The following CSMD1 variants were observed in gnomAD, a reference collection of about 807,000 sequenced individuals.
CSMD1 encodes CUB and sushi domain-containing protein 1.
Under a neutral mutation model 417.5 loss-of-function variants are expected in CSMD1, and 213 were observed. The ratio of observed to expected loss-of-function variants is 0.51; its 90% CI spans 0.46 to 0.57. The LOEUF is 0.57. CSMD1 is among the 20% of genes least tolerant of loss of function. The pLI is 0.00. For missense variants in CSMD1, 6,923 were observed against 4,529.7 expected (o/e 1.53, Z -15.17); for synonymous variants, 2,862 against 1,736.8 (o/e 1.65, Z -16.11).
intron 3 of CSMD1, among the ~76,000 whole-genome samples, chr8:4,166,463 G>C (rs1356805591): frequency 3.3e-5 from 5 of 152,138 alleles, no homozygotes; most frequent in African/African-American, 9.7e-5. Context: ...CAGCAACCTG[G>C]ATGAAGTTGG....
In CSMD1 at chr8:3,926,094, C is replaced by T. The variant is rs865991767; in HGVS notation, c.818+71809G>A. ...CACACAAACACCATACACACACACA[C>T]ACACACACACACACACACACACACA... On this transcript the variant is annotated intron_variant, in intron 5 of 69. Coordinates refer to ENST00000635120, the MANE Select transcript of CSMD1 (RefSeq NM_033225.6). Among the ~76,000 whole-genome samples, 5 of 59,942 alleles carry T rather than the reference C, an allele frequency of 8.3e-5. 1 individual carries two copies. The highest frequency in any genetic ancestry group is 5.1e-4 in the African/African-American group (5 of 9,876). The allele number at this position is 59,942 out of a possible 152,430, so 39.3% of individuals were successfully genotyped here.
intron 41 of CSMD1, among the ~76,000 whole-genome samples, chr8:3,138,726 T>C (rs1358430161): frequency 1.3e-5 from 2 of 152,152 alleles, no homozygotes; most frequent in Non-Finnish European, 2.9e-5. Flanking sequence ...CTGTGGCTGC[T>C]GGAGATATTT....
At chr8:3,720,620 T>TACACACACACACACACACAC (rs1554520854) in intron 6 of CSMD1, among the ~76,000 whole-genome samples, 21 of 143,420 alleles carry the variant, frequency 1.5e-4, no homozygotes, top group African/African-American at 5.5e-4. Context: ...TCTTTATTCT[T>TACACACACACACACACACAC]ACACACACAC....
intron 5 of CSMD1, among the ~76,000 whole-genome samples, chr8:3,798,829 T>G (rs1800304364): frequency 6.6e-6 from 1 of 152,088 alleles, no homozygotes. Context: ...TGAAATTTAG[T>G]AAAATGTTGT....
intron 46 of CSMD1, among the ~76,000 whole-genome samples, chr8:3,101,447 G>C (rs1165696395): frequency 2.6e-5 from 4 of 152,116 alleles, no homozygotes; most frequent in African/African-American, 7.2e-5. Context: ...TTTTGAGACG[G>C]AGTCTCGCTC....
At chr8:4,683,594 A>T (rs1488095910) in intron 1 of CSMD1, among the ~76,000 whole-genome samples, 1 of 152,174 alleles carries the variant, frequency 6.6e-6, no homozygotes, top group Non-Finnish European at 1.5e-5. Flanking sequence ...GGAGCCAGAA[A>T]ACCTTTCATC....
In CSMD1 at chr8:4,215,486, G is replaced by A. The variant is rs532759653; in HGVS notation, c.416-183387C>T. On this transcript the variant is annotated intron_variant, in intron 3 of 69. Transcript: ENST00000635120. ...ACTGAGAAAAGAATTTGGGGGCCGG[G>A]GTTTTATGAATACATAGAGAGTTTT... Among the ~76,000 whole-genome samples, 3 of 122,130 alleles carry A rather than the reference G, an allele frequency of 2.5e-5. No individual in the cohort carries two copies. The Admixed American group carries it at 2.8e-4, about 12-fold the overall frequency. 80.1% of individuals were successfully genotyped at this position (122,130 alleles called of 152,430 possible). A position where few individuals can be genotyped will look rare whatever the true frequency, so the allele number is the denominator to read the frequency against.
intron 2 of CSMD1, among the ~76,000 whole-genome samples, chr8:4,611,330 T>A (rs1411416552): frequency 1.3e-5 from 2 of 152,224 alleles, no homozygotes; most frequent in African/African-American, 4.8e-5. Flanking sequence ...CTTTGAAGAC[T>A]ACACAAAGCT....
intron 3 of CSMD1, among the ~76,000 whole-genome samples, chr8:4,072,392 T>C (rs1167925149): frequency 1.3e-5 from 2 of 152,202 alleles, no homozygotes; most frequent in Non-Finnish European, 2.9e-5. Context: ...GTTTACTGCA[T>C]TCTATGTACC....
intron 6 of CSMD1, among the ~76,000 whole-genome samples, chr8:3,729,018 C>A (rs1457056526): frequency 2.0e-5 from 3 of 152,278 alleles, no homozygotes; most frequent in Admixed American, 2.0e-4. Flanking sequence ...TGGGGAGCCC[C>A]GCCAAACCGA....
chr8:4,457,172 C>G (rs1445306901), intron 2 of CSMD1, among the ~76,000 whole-genome samples: 2 of 151,898 alleles, frequency 1.3e-5, no homozygotes, highest in African/African-American at 4.8e-5. Flanking sequence ...TTTTACGGAC[C>G]TAGATGTGAA....
At chr8:4,127,104 A>G (rs148484978) in intron 3 of CSMD1, among the ~76,000 whole-genome samples, 12 of 152,118 alleles carry the variant, frequency 7.9e-5, no homozygotes, top group African/African-American at 2.9e-4. Context: ...AATCCTAGTT[A>G]TCTGATTCAC....
intron 41 of CSMD1, among the ~76,000 whole-genome samples, chr8:3,138,797 A>T (rs1227621609): frequency 3.9e-5 from 6 of 152,196 alleles, no homozygotes; most frequent in Admixed American, 3.9e-4. Flanking sequence ...CAGAAATAAG[A>T]GCTTAGCCAG....
At position 4,180,140 on chromosome 8, in the gene CSMD1, C is replaced by A. The variant is rs529827437; in HGVS notation, c.416-148041G>T. 5.9e-5 allele frequency among the ~76,000 whole-genome samples: 9 copies of A among 152,180 alleles called. No homozygotes were observed. In the South Asian group the frequency reaches 1.0e-3, roughly 18 times the overall value. On this transcript the variant is annotated intron_variant, in intron 3 of 69. Transcript: ENST00000635120. ...GACACATTCACACATATGTTTACTG[C>A]GGCACTATTCACGACAGCAAAGACT... is the stretch of plus-strand genomic sequence containing the variant.
At chr8:4,514,791 T>A (rs1803026916) in intron 2 of CSMD1, among the ~76,000 whole-genome samples, 1 of 152,198 alleles carries the variant, frequency 6.6e-6, no homozygotes, top group Non-Finnish European at 1.5e-5. Context: ...GGTGATTACA[T>A]GACTCATACC....
intron 10 of CSMD1, among the ~76,000 whole-genome samples, chr8:3,555,211 G>A (rs371901926): frequency 6.6e-6 from 1 of 151,126 alleles, no homozygotes; most frequent in East Asian, 2.0e-4. Flanking sequence ...ATGGACGGGA[G>A]CTTTTGTGAG....
At chr8:3,383,137 A>C (rs566606464) in intron 18 of CSMD1, among the ~76,000 whole-genome samples, 3 of 152,332 alleles carry the variant, frequency 2.0e-5, no homozygotes, top group Middle Eastern at 3.4e-3. Context: ...TGAAGTTATA[A>C]ATTTAAAAGA....
chr8:3,957,488 G>A (rs1427513072), intron 5 of CSMD1, among the ~76,000 whole-genome samples: 1 of 151,966 alleles, frequency 6.6e-6, no homozygotes, highest in Admixed American at 6.6e-5. Context: ...GACCATGTGG[G>A]CAACATGGCC....
intron 2 of CSMD1, among the ~76,000 whole-genome samples, chr8:4,462,393 T>C (rs1452706689): frequency 6.6e-6 from 1 of 152,050 alleles, no homozygotes; most frequent in Non-Finnish European, 1.5e-5. Flanking sequence ...TCAGAAGACT[T>C]AATATAGATA....
Sources: gnomAD v4.1 joint callset for allele counts (sites outside exome capture counted in the v4.1 genomes callset) on GRCh38, gnomAD v4.1.1 for gene constraint, MANE v1.5 for transcripts, NCBI Gene and HGNC (gene_info 2026-07-23, HGNC 2026-07-21) for gene names.